Variants in TMEM87A observed in about 807,000 individuals in gnomAD.
The protein encoded by TMEM87A is transmembrane protein 87A.
TMEM87A carries 50 observed loss-of-function variants against 90.0 expected under a neutral mutation model. The ratio of observed to expected loss-of-function variants is 0.56; its 90% CI spans 0.44 to 0.70. TMEM87A has a LOEUF of 0.70. Ranked by LOEUF, TMEM87A falls within the 30% of genes least tolerant of loss-of-function variation. TMEM87A has a pLI of 0.00. For synonymous variants in TMEM87A, 226 were observed against 226.7 expected (o/e 1.00, Z 0.03); for missense variants, 577 against 660.5 (o/e 0.87, Z 1.39).
intron 19 of TMEM87A, among the ~76,000 whole-genome samples, chr15:42,216,278 G>A (rs2050382302): frequency 6.6e-6 from 1 of 152,162 alleles, no homozygotes; most frequent in Non-Finnish European, 1.5e-5. Flanking sequence ...TCATTTAAAT[G>A]AGATGAAAAT....
At chr15:42,253,516 G>A (rs868432880) in intron 6 of TMEM87A, among the ~76,000 whole-genome samples, 1 of 152,130 alleles carries the variant, frequency 6.6e-6, no homozygotes, top group African/African-American at 2.4e-5. Flanking sequence ...ACAAAGTTAA[G>A]TCCTGGCAAG....
intron 6 of TMEM87A, among the ~76,000 whole-genome samples, chr15:42,256,219 C>T (rs2051181824): frequency 6.6e-6 from 1 of 152,166 alleles, no homozygotes; most frequent in Non-Finnish European, 1.5e-5. Flanking sequence ...TGGCTCACTA[C>T]AACCTCTGCT....
chr15:42,218,868 G>T (rs1406931227), intron 17 of TMEM87A: 10 of 155,172 alleles, frequency 6.4e-5, no homozygotes, highest in Admixed American at 6.4e-4. Context: ...ATGCTGCAAT[G>T]AACATGACAG....
intron 8 of TMEM87A, 60 bp downstream of exon 8, chr15:42,239,610 G>A: frequency 1.5e-6 from 2 of 1,361,156 alleles, no homozygotes; most frequent in Non-Finnish European, 2.1e-6. Context: ...ACAAAACATG[G>A]GACAATCTTT....
rs2050274551 is a variant in TMEM87A at position 42,210,993 on chromosome 15, A to G, written c.*715T>C. 1 of 152,666 alleles carries G rather than the reference A, an allele frequency of 6.6e-6. No individual in the cohort carries two copies. The highest frequency in any genetic ancestry group is 1.5e-5 in the Non-Finnish European group (1 of 68,040). The allele number at this position is 152,666 out of a possible 1,614,324, so 9.5% of individuals were successfully genotyped here. On this transcript the variant is annotated 3_prime_UTR_variant, in exon 20 of 20. Coordinates refer to ENST00000389834, the MANE Select transcript of TMEM87A (RefSeq NM_015497.5). ...CATTGCCAGCAATGGGATGTGTCACAATAGCAGATGTCAAAAGAGTTAAGC... is the reference window on the plus strand; with the variant it reads ...CATTGCCAGCAATGGGATGTGTCACGATAGCAGATGTCAAAAGAGTTAAGC...
chr15:42,234,052 G>A (rs1361806024), intron 10 of TMEM87A, among the ~76,000 whole-genome samples: 1 of 151,920 alleles, frequency 6.6e-6, no homozygotes, highest in Non-Finnish European at 1.5e-5. Flanking sequence ...CAAGGGCTGG[G>A]ATTACAGGCA....
intron 6 of TMEM87A, among the ~76,000 whole-genome samples, chr15:42,255,857 C>A (rs912883708): frequency 1.3e-4 from 19 of 151,500 alleles, no homozygotes; most frequent in African/African-American, 4.1e-4. Flanking sequence ...GTAATCTCCA[C>A]CTCCTGGGTT....
intron 15 of TMEM87A, among the ~76,000 whole-genome samples, chr15:42,225,287 G>A (rs568687528): frequency 1.8e-3 from 209 of 113,414 alleles, no homozygotes; most frequent in African/African-American, 5.4e-3. Flanking sequence ...GCTCTTAACC[G>A]TCTAAATGCA....
At chr15:42,234,073 T>C (rs570579953) in intron 10 of TMEM87A, among the ~76,000 whole-genome samples, 3 of 152,238 alleles carry the variant, frequency 2.0e-5, no homozygotes, top group Admixed American at 6.5e-5. Flanking sequence ...TGAGCCACTG[T>C]GCCTGGCCCA....
chr15:42,213,932 G>C (rs1474674023), intron 19 of TMEM87A, among the ~76,000 whole-genome samples: 2 of 152,112 alleles, frequency 1.3e-5, no homozygotes, highest in African/African-American at 4.8e-5. Flanking sequence ...ATTTGAAAGA[G>C]AATGCAAAAC....
rs1566926355 is a variant in TMEM87A at position 42,228,948 on chromosome 15, T to A, written c.1132-128A>T. 1.0e-5 allele frequency: 6 copies of A among 583,010 alleles called. No homozygotes were observed. In the East Asian group the frequency reaches 1.8e-4, roughly 18 times the overall value. The allele number at this position is 583,010 out of a possible 1,614,324, so 36.1% of individuals were successfully genotyped here. ...AGATCTCTCAGAGGCCTTATAGCTC[T>A]CTTATTCTCACTTAATCTCACAAAC... On this transcript the variant is annotated intron_variant, in intron 12 of 19. Coordinates refer to ENST00000389834, the MANE Select transcript of TMEM87A (RefSeq NM_015497.5).
chr15:42,228,506 G>C (rs964977880), intron 13 of TMEM87A, among the ~76,000 whole-genome samples: 2 of 152,124 alleles, frequency 1.3e-5, no homozygotes, highest in African/African-American at 4.8e-5. Context: ...TGAAATATGA[G>C]GTTGATTTCC....
At chr15:42,272,287 C>A (rs2051550885) in intron 1 of TMEM87A, among the ~76,000 whole-genome samples, 164 bp from the exon 2 acceptor site, 1 of 152,140 alleles carries the variant, frequency 6.6e-6, no homozygotes, top group Non-Finnish European at 1.5e-5. Flanking sequence ...CTCAGAATAA[C>A]CAATCATTTT....
intron 18 of TMEM87A, 113 bp downstream of exon 18, chr15:42,218,210 A>T: frequency 9.6e-7 from 1 of 1,044,672 alleles, no homozygotes; most frequent in Non-Finnish European, 1.4e-6. Context: ...CTATTCTTTT[A>T]ATTATTTTTC....
chr15:42,235,329 C>T (rs966584577), intron 10 of TMEM87A, among the ~76,000 whole-genome samples: 4 of 152,190 alleles, frequency 2.6e-5, no homozygotes, highest in African/African-American at 7.2e-5. Context: ...TAAGCCACCA[C>T]GCCTGGCCTT....
chr15:42,222,268 A>G (rs2050503355), intron 15 of TMEM87A, among the ~76,000 whole-genome samples: 1 of 151,994 alleles, frequency 6.6e-6, no homozygotes, highest in Non-Finnish European at 1.5e-5. Context: ...AGTTGGTCAA[A>G]CTGGTCTCGA....
At chr15:42,257,873 T>C in intron 6 of TMEM87A, 7 of 977,060 alleles carry the variant, frequency 7.2e-6, no homozygotes, top group Non-Finnish European at 8.5e-6. Flanking sequence ...TGGTATATAA[T>C]ATGATCTTAT....
chr15:42,257,392 T>C (rs1467205934), intron 6 of TMEM87A, among the ~76,000 whole-genome samples: 1 of 150,420 alleles, frequency 6.6e-6, no homozygotes, highest in African/African-American at 2.5e-5. Context: ...ACACACAGGC[T>C]CCCCCCTTCA....
At chr15:42,233,093 G>A in intron 11 of TMEM87A, 120 bp downstream of exon 11, 1 of 735,926 alleles carries the variant, frequency 1.4e-6, no homozygotes, top group Non-Finnish European at 2.2e-6. Context: ...TTGAAAATCA[G>A]AGCCCAAAAG....
Sources: gnomAD v4.1 joint callset for allele counts (sites outside exome capture counted in the v4.1 genomes callset) on GRCh38, gnomAD v4.1.1 for gene constraint, MANE v1.5 for transcripts, NCBI Gene and HGNC (gene_info 2026-07-23, HGNC 2026-07-21) for gene names.